Variants in MEX3C observed in about 807,000 individuals in gnomAD.
MEX3C encodes the protein RNA-binding E3 ubiquitin-protein ligase MEX3C.
Under a neutral mutation model 35.5 loss-of-function variants are expected in MEX3C, and 15 were observed. The ratio of observed to expected loss-of-function variants is 0.42; its 90% CI spans 0.28 to 0.65. The LOEUF is 0.65. Among genes scored for constraint, MEX3C ranks in the 30% least tolerant of loss-of-function variants. The pLI, the probability that MEX3C is intolerant of heterozygous loss-of-function variation, is 0.20. For synonymous variants in MEX3C, 390 were observed against 352.8 expected, an observed-to-expected ratio of 1.11 and a Z score of -1.18; for missense variants, 711 against 842.8, an observed-to-expected ratio of 0.84 and a Z score of 1.94.
chr18:51,191,681 T>C (rs960787541), intron 1 of MEX3C, among the ~76,000 whole-genome samples: 1 of 152,190 alleles, frequency 6.6e-6, no homozygotes, highest in African/African-American at 2.4e-5. Context: ...ACAAAAGTAA[T>C]GTGCTTAGCA....
At chr18:51,188,063 CATAAT>C (rs1912577124) in intron 1 of MEX3C, among the ~76,000 whole-genome samples, 1 of 152,142 alleles carries the variant, frequency 6.6e-6, no homozygotes, top group African/African-American at 2.4e-5. Flanking sequence ...TTCCTAAATG[CATAAT>C]ATAAAACTAA....
Position 51,177,135 on chromosome 18 carries a change from A to G in MEX3C, c.1196T>C (p.Ile399Thr). Residue 399 changes from isoleucine to threonine, a missense_variant, in exon 2 of 2, where the codon ATA becomes ACA. Physicochemically the swap from Ile to Thr is moderately conservative, Grantham distance 89. Around this residue, in one of 4 missense-constraint regions of MEX3C, gnomAD observed 187 missense variants for 201.7 expected, o/e 0.93. Coordinates refer to ENST00000406189, the MANE Select transcript of MEX3C (RefSeq NM_016626.5). This position sits in a 1 kb window ranked among gnomAD's most constrained non-coding sequence, Gnocchi z 4.2. Reference protein sequence around the residue: ...MHIAMRTGNYIELNEENDFHY... With the variant: ...MHIAMRTGNYTELNEENDFHY... ...GAAATCATTCTCTTCATTGAGCTCTATATAGTTTCCTGTACGCATGGCAAT... is the reference window on the plus strand; with the variant it reads ...GAAATCATTCTCTTCATTGAGCTCTGTATAGTTTCCTGTACGCATGGCAAT... 6.2e-7 allele frequency: 1 copy of G among 1,613,946 alleles called. No homozygotes were observed. The highest frequency in any genetic ancestry group is 8.5e-7 in the Non-Finnish European group (1 of 1,179,892).
At chr18:51,196,482 C>A in intron 1 of MEX3C, 85 bp downstream of exon 1, 1 of 1,493,222 alleles carries the variant, frequency 6.7e-7, no homozygotes, top group Non-Finnish European at 8.9e-7. Flanking sequence ...CCGGGTTCGC[C>A]TTTTCCGTCC....
chr18:51,192,082 A>G (rs911944160), intron 1 of MEX3C, among the ~76,000 whole-genome samples: 1 of 152,168 alleles, frequency 6.6e-6, no homozygotes, highest in Admixed American at 6.5e-5. Context: ...GTAAAGAACC[A>G]CCTAGAATTC....
intron 1 of MEX3C, among the ~76,000 whole-genome samples, chr18:51,186,446 C>T (rs1912539961): frequency 6.6e-6 from 1 of 152,200 alleles, no homozygotes; most frequent in South Asian, 2.1e-4. Context: ...ATCAAGAGTA[C>T]AGGATGGCAC....
At chr18:51,183,042 C>A (rs1449804310) in intron 1 of MEX3C, among the ~76,000 whole-genome samples, 1 of 152,088 alleles carries the variant, frequency 6.6e-6, no homozygotes, top group Admixed American at 6.5e-5. Flanking sequence ...GGGAGTGTGG[C>A]ATTATTGAGA....
chr18:51,184,867 G>A (rs1161523931), intron 1 of MEX3C, among the ~76,000 whole-genome samples: 11 of 146,478 alleles, frequency 7.5e-5, no homozygotes, highest in Non-Finnish European at 4.5e-5. Context: ...CCAAAGAAAA[G>A]AAAAAAAAAA....
Position 51,197,632 on chromosome 18 carries a change from C to T in MEX3C, c.-312G>A, listed in dbSNP as rs1046906464. ...TCTTTTGTTTCATGGCCTTAACCAG[C>T]CCCCGGCGCGCGCGGCGGCGGCGGC... On this transcript the variant is annotated 5_prime_UTR_variant, in exon 1 of 2. Transcript: ENST00000406189. 2.6e-5 allele frequency among the ~76,000 whole-genome samples: 4 copies of T among 151,070 alleles called. No homozygotes were observed. Among genetic ancestry groups the T allele is most frequent in the African/African-American group, 4.9e-5 (2 of 41,168 alleles).
At position 51,197,096 on chromosome 18, in the gene MEX3C, C is replaced by G. The variant is rs1268726564; in HGVS notation, c.225G>C (p.Ala75=). ...CCCGCCGGGCCTGGCCCTGCGCCGC[C>G]GCTGCCGGGGCCCGAAGCGCCGGGG... ...PGAPALRAPA[A]AAQGQARRAA... The change falls in exon 1 of 2, where the codon GCG becomes GCC. Residue 75 remains alanine, a synonymous_variant. Transcript: ENST00000406189. 7.5e-6 allele frequency: 9 copies of G among 1,199,888 alleles called. No homozygotes were observed. The highest frequency in any genetic ancestry group is 9.3e-6 in the Non-Finnish European group (9 of 970,092). The allele number at this position is 1,199,888 out of a possible 1,614,324, so 74.3% of individuals were successfully genotyped here. A position where few individuals can be genotyped will look rare whatever the true frequency, so the allele number is the denominator to read the frequency against.
intron 1 of MEX3C, among the ~76,000 whole-genome samples, chr18:51,179,170 A>AT (rs1194871592): frequency 6.6e-6 from 1 of 151,780 alleles, no homozygotes; most frequent in Admixed American, 6.6e-5. Context: ...CACCTGGATA[A>AT]TTTTTTGTAT....
Position 51,177,197 on chromosome 18 carries a change from T to A in MEX3C, c.1134A>T (p.Glu378Asp), listed in dbSNP as rs555836727. ...EPVFEVTGMP[E>D]NVDRAREEIE... ...TTTCTTCCCGTGCTCGGTCAACATT[T>A]TCAGGCATCCCTGTCACTTCAAAGA... is the stretch of plus-strand genomic sequence containing the variant. Residue 378 changes from glutamate (E) to aspartate (D), a missense_variant, in exon 2 of 2, where the codon GAA becomes GAT. Coordinates refer to ENST00000406189, the MANE Select transcript of MEX3C (RefSeq NM_016626.5). The surrounding 1 kb of genome is among the most constrained non-coding windows in gnomAD (Gnocchi z 4.2). 1 of 1,613,848 alleles carries A rather than the reference T, an allele frequency of 6.2e-7. No individual in the cohort carries two copies. The highest frequency in any genetic ancestry group is 1.3e-5 in the African/African-American group (1 of 75,048).
chr18:51,180,864 T>C (rs935778956), intron 1 of MEX3C, among the ~76,000 whole-genome samples: 3 of 152,210 alleles, frequency 2.0e-5, no homozygotes, highest in Non-Finnish European at 2.9e-5. Context: ...TATAGTATCC[T>C]AAACTCAGAT....
At chr18:51,194,826 T>A (rs376119763) in intron 1 of MEX3C, 3 of 152,140 alleles carry the variant, frequency 2.0e-5, no homozygotes, top group South Asian at 2.1e-4. Flanking sequence ...ACCTCAAGTA[T>A]CAAAACAACA....
rs141611427 is a variant in MEX3C, at chr18:51,184,533, A to G, written c.755-6957T>C. 6.7e-3 allele frequency among the ~76,000 whole-genome samples: 1,013 copies of G among 152,300 alleles called. 6 individuals are homozygous for G. Among genetic ancestry groups the G allele is most frequent in the Non-Finnish European group, 0.011 (732 of 68,026 alleles). ...ATTCTTATTCAATACCCTACAAGAC[A>G]TTCTGGAAGTCTCTCAAGAATTATT... On this transcript the variant is annotated intron_variant, in intron 1 of 1. Transcript: ENST00000406189.
rs1912258778 is a variant in MEX3C at position 51,174,634 on chromosome 18, T to C, written c.*1717A>G. On this transcript the variant is annotated 3_prime_UTR_variant, in exon 2 of 2. Transcript: ENST00000406189. ...CTTATAATTCTCTTTACAGCAAATA[T>C]ATAATATCAGTGCTTTGGCCATCTT... 6.6e-6 allele frequency: 1 copy of C among 152,634 alleles called. No homozygotes were observed. The highest frequency in any genetic ancestry group is 6.5e-5 in the Admixed American group (1 of 15,268). The allele number at this position is 152,634 out of a possible 1,614,324, so 9.5% of individuals were successfully genotyped here.
In MEX3C at chr18:51,175,818, A is replaced by G. The variant is rs1030065823; in HGVS notation, c.*533T>C. 3 of 152,754 alleles carry G rather than the reference A, an allele frequency of 2.0e-5. No individual in the cohort carries two copies. Among genetic ancestry groups the G allele is most frequent in the Non-Finnish European group, 2.9e-5 (2 of 68,210 alleles). 9.5% of individuals were successfully genotyped at this position (152,754 alleles called of 1,614,324 possible). On this transcript the variant is annotated 3_prime_UTR_variant, in exon 2 of 2. Coordinates refer to ENST00000406189, the MANE Select transcript of MEX3C (RefSeq NM_016626.5). Reference sequence around the variant, plus strand: ...GCCATCAGCCCTATCATTACCAATAAGTAATCACAATGCATTAAAAAGTTA... The same window carrying G: ...GCCATCAGCCCTATCATTACCAATAGGTAATCACAATGCATTAAAAAGTTA...
chr18:51,176,745 T>C lies in MEX3C; in HGVS notation c.1586A>G (p.Asn529Ser). The change falls in exon 2 of 2, where the codon AAC becomes AGC. Residue 529 changes from asparagine to serine, a missense_variant. Coordinates refer to ENST00000406189, the MANE Select transcript of MEX3C (RefSeq NM_016626.5). The stretch of plus-strand genomic sequence containing the variant: ...ACTTCCTCTGCGCTGAGTCTTCATG[T>C]TACCAGAAGGATCACTCCCAAAGCC... ...LSGFGSDPSGNMKTQRRGSQP... is the reference protein window; with the variant it reads ...LSGFGSDPSGSMKTQRRGSQP... 6.2e-7 allele frequency: 1 copy of C among 1,614,010 alleles called. No individual in the cohort carries two copies. The highest frequency in any genetic ancestry group is 8.5e-7 in the Non-Finnish European group (1 of 1,179,890).
chr18:51,185,568 G>C (rs1568233419), intron 1 of MEX3C, among the ~76,000 whole-genome samples: 1 of 152,138 alleles, frequency 6.6e-6, no homozygotes, highest in Non-Finnish European at 1.5e-5. Context: ...GGACTTGTTG[G>C]GTGGGTGGGA....
chr18:51,187,169 C>T (rs918838452), intron 1 of MEX3C, among the ~76,000 whole-genome samples: 3 of 152,016 alleles, frequency 2.0e-5, no homozygotes, highest in East Asian at 1.9e-4. Context: ...TATCTCTGCT[C>T]GGGTATTTCC....
Sources: gnomAD v4.1 joint callset for allele counts (sites outside exome capture counted in the v4.1 genomes callset) on GRCh38, gnomAD v4.1.1 for gene constraint, gnomAD v4.1.1 regional missense constraint, Gnocchi (gnomAD v3.1) non-coding constraint, MANE v1.5 for transcripts, NCBI Gene and HGNC (gene_info 2026-07-23, HGNC 2026-07-21) for gene names.